Variants in FNTA observed in about 807,000 individuals in gnomAD.
FNTA encodes the protein protein farnesyltransferase/geranylgeranyltransferase type-1 subunit alpha.
In FNTA, 27 loss-of-function variants were observed where a neutral mutation model predicts 55.2. The observed-to-expected ratio is 0.49, with a 90% CI of 0.36 to 0.67. The LOEUF is 0.67. Among genes scored for constraint, FNTA ranks in the 30% least tolerant of loss-of-function variants. FNTA has a pLI of 0.00. For synonymous variants in FNTA, 176 were observed against 170.7 expected, an observed-to-expected ratio of 1.03 and a Z score of -0.24; for missense variants, 422 against 464.7, an observed-to-expected ratio of 0.91 and a Z score of 0.85.
intron 7 of FNTA, 63 bp from the exon 8 acceptor site, chr8:43,084,647 C>T (rs1811090230): frequency 2.3e-6 from 3 of 1,313,940 alleles, no homozygotes; most frequent in Non-Finnish European, 3.2e-6. Context: ...TTCTCTTGAT[C>T]TTTCTACTGC....
chr8:43,065,113 C>T (rs963050386), intron 3 of FNTA, among the ~76,000 whole-genome samples: 1 of 151,514 alleles, frequency 6.6e-6, no homozygotes, highest in Admixed American at 6.6e-5. Context: ...GGATTACAGG[C>T]GTGAACCACC....
chr8:43,067,725 T>A (rs1462553722), intron 3 of FNTA, among the ~76,000 whole-genome samples: 2 of 151,874 alleles, frequency 1.3e-5, no homozygotes, highest in South Asian at 2.1e-4. Context: ...ATTTTATTTT[T>A]ATTAATTTTT....
Position 43,056,332 on chromosome 8 carries a change from G to T in FNTA, c.-15G>T. 1.4e-6 allele frequency: 2 copies of T among 1,404,778 alleles called. No homozygotes were observed. Among genetic ancestry groups the T allele is most frequent in the Non-Finnish European group, 1.8e-6 (2 of 1,088,562 alleles). 87.0% of individuals were successfully genotyped at this position (1,404,778 alleles called of 1,614,324 possible). A position where few individuals can be genotyped will look rare whatever the true frequency, so the allele number is the denominator to read the frequency against. On this transcript the variant is annotated 5_prime_UTR_variant, in exon 1 of 9. Transcript: ENST00000302279. Reference sequence around the variant, plus strand: ...CGGGGCCTCCGCCACCACCTCAGCTGCGGACCGAGGCGAGATGGCGGCCAC... The same window carrying T: ...CGGGGCCTCCGCCACCACCTCAGCTTCGGACCGAGGCGAGATGGCGGCCAC...
At chr8:43,060,900 C>A (rs1270674719) in intron 2 of FNTA, among the ~76,000 whole-genome samples, 1 of 152,006 alleles carries the variant, frequency 6.6e-6, no homozygotes, top group Non-Finnish European at 1.5e-5. Flanking sequence ...GTTTTTACAA[C>A]AGGATAAGGA....
At chr8:43,056,681 C>A (rs1289645891) in intron 1 of FNTA, 135 bp downstream of exon 1, 2 of 466,720 alleles carry the variant, frequency 4.3e-6, no homozygotes, top group Admixed American at 1.0e-4. Flanking sequence ...GTGCATGGCG[C>A]TGGGCCCGGG....
At position 43,072,114 on chromosome 8, in the gene FNTA, T is replaced by C. The variant is rs997200291; in HGVS notation, c.507-67T>C. ...GTCCTTTCATGTCACCTTTACAACA[T>C]GTGCAACTGATATTTTAGTTCATGG... On this transcript the variant is annotated intron_variant, in intron 4 of 8. Coordinates refer to ENST00000302279, the MANE Select transcript of FNTA (RefSeq NM_002027.3). 5.6e-6 allele frequency: 7 copies of C among 1,253,480 alleles called. No homozygotes were observed. In the African/African-American group the frequency reaches 9.2e-5, roughly 17 times the overall value. 77.6% of individuals were successfully genotyped at this position (1,253,480 alleles called of 1,614,324 possible).
At chr8:43,067,569 T>C (rs988735265) in intron 3 of FNTA, among the ~76,000 whole-genome samples, 1 of 152,134 alleles carries the variant, frequency 6.6e-6, no homozygotes, top group Admixed American at 6.6e-5. Context: ...TTTATTGCTG[T>C]TTTGAAAGAA....
rs1811056929 is a variant in FNTA, at chr8:43,083,109, T to C, written c.783-9T>C. 6.7e-7 allele frequency: 1 copy of C among 1,491,554 alleles called. No individual in the cohort carries two copies. Among genetic ancestry groups the C allele is most frequent in the Non-Finnish European group, 9.2e-7 (1 of 1,089,470 alleles). 92.4% of individuals were successfully genotyped at this position (1,491,554 alleles called of 1,614,324 possible). Reference sequence around the variant, plus strand: ...CTTTTAAAATTGTATATATATATTTTTCTTGCAGATACACTCTGGAAATGA... The same window carrying C: ...CTTTTAAAATTGTATATATATATTTCTCTTGCAGATACACTCTGGAAATGA... On this transcript the variant is annotated splice_polypyrimidine_tract_variant and intron_variant, in intron 6 of 8. Transcript: ENST00000302279.
chr8:43,078,560 G>A (rs969595017), intron 6 of FNTA: 2 of 151,980 alleles, frequency 1.3e-5, no homozygotes, highest in Non-Finnish European at 2.9e-5. Flanking sequence ...TAATTGTTTG[G>A]GGGTGCCACT....
At chr8:43,085,036 A>C in intron 8 of FNTA, 124 bp from the exon 9 acceptor site, 1 of 1,121,916 alleles carries the variant, frequency 8.9e-7, no homozygotes, top group Middle Eastern at 2.1e-4. Context: ...TTGGCAACAC[A>C]GCCGGTGACT....
chr8:43,069,677 C>G lies in FNTA; in HGVS notation c.506+18C>G, dbSNP rs751361863. 1 of 1,503,516 alleles carries G rather than the reference C, an allele frequency of 6.7e-7. No individual in the cohort carries two copies. Among genetic ancestry groups the G allele is most frequent in the South Asian group, 1.1e-5 (1 of 88,522 alleles). 93.1% of individuals were successfully genotyped at this position (1,503,516 alleles called of 1,614,324 possible). A position where few individuals can be genotyped will look rare whatever the true frequency, so the allele number is the denominator to read the frequency against. ...CAAGTTTGGTAAGTTTGGAGTCTAG[C>G]TGTGTCTCCCAGGCTGGAGTGCAGT... On this transcript the variant is annotated intron_variant, in intron 4 of 8. Transcript: ENST00000302279.
rs939205862 is a variant in FNTA, at chr8:43,072,413, C to T, written c.633+106C>T. The T allele has an allele frequency of 5.6e-6, 4 of 709,762 alleles. No individual in the cohort carries two copies. The East Asian group carries it at 1.0e-4, about 18-fold the overall frequency. 44.0% of individuals were successfully genotyped at this position (709,762 alleles called of 1,614,324 possible). A position where few individuals can be genotyped will look rare whatever the true frequency, so the allele number is the denominator to read the frequency against. On this transcript the variant is annotated intron_variant, in intron 5 of 8. Coordinates refer to ENST00000302279, the MANE Select transcript of FNTA (RefSeq NM_002027.3). ...AACCAAAACACACACATACGTAGAT[C>T]ATTGCACCCAATATATAACTAAAAA...
chr8:43,082,307 T>C (rs1018000192), intron 6 of FNTA: 2 of 152,240 alleles, frequency 1.3e-5, no homozygotes, highest in Admixed American at 1.3e-4. Flanking sequence ...TCATCTTGCT[T>C]TGGAATATAA....
At chr8:43,078,084 C>T (rs946865977) in intron 6 of FNTA, 4 of 152,188 alleles carry the variant, frequency 2.6e-5, no homozygotes, top group East Asian at 3.9e-4. Flanking sequence ...AGTGCATCTC[C>T]TCTCTTCCAA....
intron 2 of FNTA, 45 bp downstream of exon 2, chr8:43,059,222 T>C (rs1475696822): frequency 7.4e-7 from 1 of 1,360,066 alleles, no homozygotes. Context: ...TTAAATATAG[T>C]AGCAGAATTG....
Position 43,074,156 on chromosome 8 carries a change from C to T in FNTA, c.633+1849C>T, listed in dbSNP as rs574360410. Among the ~76,000 whole-genome samples, 17 of 152,214 alleles carry T rather than the reference C, an allele frequency of 1.1e-4. No individual in the cohort carries two copies. In the South Asian group the frequency reaches 2.9e-3, roughly 26 times the overall value. On this transcript the variant is annotated intron_variant, in intron 5 of 8. Coordinates refer to ENST00000302279, the MANE Select transcript of FNTA (RefSeq NM_002027.3). ...TAGAGGACCCTTCTTTGTCCCCAACCGATCACAGATTGGATGTATTTTACT... is the reference window on the plus strand; with the variant it reads ...TAGAGGACCCTTCTTTGTCCCCAACTGATCACAGATTGGATGTATTTTACT...
chr8:43,059,019 A>G, intron 1 of FNTA, 73 bp from the exon 2 acceptor site: 1 of 1,110,556 alleles, frequency 9.0e-7, no homozygotes, highest in South Asian at 1.3e-5. Flanking sequence ...AATTATTGTC[A>G]TTTTAAAAAC....
chr8:43,084,217 CTTTTTTT>C (rs965185730), intron 7 of FNTA, among the ~76,000 whole-genome samples: 7 of 131,572 alleles, frequency 5.3e-5, no homozygotes, highest in Admixed American at 1.5e-4. Context: ...TGTAATTATC[CTTTTTTT>C]TTTTTTTTTT....
At chr8:43,083,047 GA>G (rs200228166) in intron 6 of FNTA, 70 bp from the exon 7 acceptor site, 9,501 of 792,542 alleles carry the variant, frequency 0.012, no homozygotes, top group East Asian at 0.017. Flanking sequence ...CTCCGTTTCA[GA>G]AAAAAAAAAA....
Sources: gnomAD v4.1 joint callset for allele counts (sites outside exome capture counted in the v4.1 genomes callset) on GRCh38, gnomAD v4.1.1 for gene constraint, MANE v1.5 for transcripts, NCBI Gene and HGNC (gene_info 2026-07-23, HGNC 2026-07-21) for gene names.